NCAM2: variants seen among roughly 807,000 people sequenced by gnomAD.
NCAM2 encodes the protein neural cell adhesion molecule 2, also known as N-CAM-2.
Under a neutral mutation model 98.1 loss-of-function variants are expected in NCAM2, and 30 were observed. The observed-to-expected ratio is 0.31, with a 90% CI of 0.23 to 0.41. The LOEUF (loss-of-function observed/expected upper bound fraction) is 0.41, where lower values mean the gene tolerates loss of function less well. NCAM2 is among the 10% of genes least tolerant of loss of function. The probability of loss-of-function intolerance (pLI) is 1.00; values close to 1 mark genes in which losing one functional copy is unlikely to be tolerated. For missense variants in NCAM2, 867 were observed against 1,005.8 expected (o/e 0.86, Z 1.87); for synonymous variants, 368 against 342.4 (o/e 1.07, Z -0.83).
chr21:21,105,479 A>G (rs1397934836), intron 1 of NCAM2, among the ~76,000 whole-genome samples: 1 of 152,152 alleles, frequency 6.6e-6, no homozygotes, highest in Non-Finnish European at 1.5e-5. Flanking sequence ...ATGCAATGGA[A>G]GACAGAACTG....
intron 1 of NCAM2, among the ~76,000 whole-genome samples, chr21:21,002,016 C>T (rs894362614): frequency 3.3e-5 from 5 of 152,132 alleles, no homozygotes; most frequent in East Asian, 1.9e-4. Context: ...CAGCCTCTCT[C>T]GTATGCTTTT....
At chr21:21,078,580 T>C (rs893563790) in intron 1 of NCAM2, among the ~76,000 whole-genome samples, 1 of 152,232 alleles carries the variant, frequency 6.6e-6, no homozygotes, top group African/African-American at 2.4e-5. Context: ...GCTTTTACAC[T>C]GTTGGTGGGA....
At chr21:21,441,511 A>C (rs540318626) in intron 12 of NCAM2, among the ~76,000 whole-genome samples, 66 of 152,336 alleles carry the variant, frequency 4.3e-4, no homozygotes, top group African/African-American at 1.5e-3. Flanking sequence ...TGAATGAAAC[A>C]AAAAATTATT....
intron 12 of NCAM2, among the ~76,000 whole-genome samples, chr21:21,448,361 G>C (rs1980509122): frequency 6.6e-6 from 1 of 151,980 alleles, no homozygotes; most frequent in Admixed American, 6.6e-5. Flanking sequence ...ATGGACACAG[G>C]GAGGGGAAAG....
At chr21:21,209,653 A>G (rs1179675277) in intron 1 of NCAM2, among the ~76,000 whole-genome samples, 1 of 152,116 alleles carries the variant, frequency 6.6e-6, no homozygotes, top group Non-Finnish European at 1.5e-5. Context: ...TGTCTGTTAT[A>G]AAATGCTATT....
intron 9 of NCAM2, among the ~76,000 whole-genome samples, chr21:21,399,713 A>G (rs1044308679): frequency 6.6e-6 from 1 of 152,126 alleles, no homozygotes; most frequent in Non-Finnish European, 1.5e-5. Context: ...AAAGACTTGT[A>G]TATTTCAGTT....
intron 15 of NCAM2, among the ~76,000 whole-genome samples, chr21:21,488,560 A>G (rs1488840328): frequency 6.6e-6 from 1 of 152,048 alleles, no homozygotes; most frequent in African/African-American, 2.4e-5. Context: ...AATTATTTTA[A>G]TAATTCAAGA....
chr21:21,014,356 G>A (rs1158284549), intron 1 of NCAM2, among the ~76,000 whole-genome samples: 3 of 151,732 alleles, frequency 2.0e-5, no homozygotes, highest in Admixed American at 6.6e-5. Flanking sequence ...CCTGGGAGGC[G>A]GAGGTTGCAG....
chr21:21,532,870 C>T (rs186768644), intron 16 of NCAM2, among the ~76,000 whole-genome samples: 136 of 152,112 alleles, frequency 8.9e-4, no homozygotes, highest in African/African-American at 3.2e-3. Flanking sequence ...TTACTTGGGG[C>T]CCTTGATCAG....
At chr21:21,038,673 G>A (rs1464882579) in intron 1 of NCAM2, among the ~76,000 whole-genome samples, 1 of 152,172 alleles carries the variant, frequency 6.6e-6, no homozygotes, top group African/African-American at 2.4e-5. Context: ...CTGCGGAACT[G>A]TAAGTCAGTT....
chr21:21,109,327 T>A (rs1267524951), intron 1 of NCAM2, among the ~76,000 whole-genome samples: 1 of 152,144 alleles, frequency 6.6e-6, no homozygotes, highest in Non-Finnish European at 1.5e-5. Flanking sequence ...GCACATCTTA[T>A]ATATTTTAAA....
chr21:21,412,844 T>A (rs2076915130), intron 10 of NCAM2, among the ~76,000 whole-genome samples: 1 of 151,010 alleles, frequency 6.6e-6, no homozygotes, highest in African/African-American at 2.4e-5. Flanking sequence ...TGAGCATTAC[T>A]AATATTTAAT....
chr21:21,500,146 G>T (rs1268868071), intron 15 of NCAM2, among the ~76,000 whole-genome samples: 4 of 152,094 alleles, frequency 2.6e-5, no homozygotes, highest in African/African-American at 9.7e-5. Context: ...AATCATGGTT[G>T]CTGTTGAGTG....
chr21:21,334,294 T>C (rs1453806679), intron 6 of NCAM2, among the ~76,000 whole-genome samples: 1 of 152,174 alleles, frequency 6.6e-6, no homozygotes, highest in Non-Finnish European at 1.5e-5. Flanking sequence ...AGAAATGTTG[T>C]GTACTTCATG....
intron 1 of NCAM2, among the ~76,000 whole-genome samples, chr21:21,009,883 CTGTGTGTGTGTGTGTG>C (rs5842868): frequency 7.2e-6 from 1 of 139,670 alleles, no homozygotes; most frequent in African/African-American, 2.7e-5. Flanking sequence ...CCTCTGATAG[CTGTGTGTGTGTGTGTG>C]TGTGTGTGTG....
chr21:21,338,441 A>G lies in NCAM2; in HGVS notation c.951A>G (p.Gln317=). The G allele has an allele frequency of 6.2e-7, 1 of 1,612,798 alleles. No homozygotes were observed. Among genetic ancestry groups the G allele is most frequent in the African/African-American group, 1.3e-5 (1 of 74,990 alleles). ...ATGAAACTACATATGAGAATGGTCAAGTCACACTCGTATGTGATGCGGAAG... is the reference window on the plus strand; with the variant it reads ...ATGAAACTACATATGAGAATGGTCAGGTCACACTCGTATGTGATGCGGAAG... ...LKNETTYENG[Q]VTLVCDAEGE... is the part of the protein sequence containing the mutation. The change falls in exon 8 of 18, where the codon CAA becomes CAG. Residue 317 remains glutamine, a synonymous_variant. Transcript: ENST00000400546.
chr21:21,317,057 A>G (rs1662714982), intron 5 of NCAM2, among the ~76,000 whole-genome samples: 1 of 152,106 alleles, frequency 6.6e-6, no homozygotes, highest in Admixed American at 6.5e-5. Flanking sequence ...CACAAACTCC[A>G]AGGGCAATAC....
intron 5 of NCAM2, among the ~76,000 whole-genome samples, chr21:21,316,304 C>T (rs1235157598): frequency 1.3e-5 from 2 of 152,016 alleles, no homozygotes; most frequent in African/African-American, 4.8e-5. Context: ...TTCTAGGGTA[C>T]ATGTGCACAA....
intron 1 of NCAM2, among the ~76,000 whole-genome samples, chr21:21,263,593 G>T (rs2072007372): frequency 6.6e-6 from 1 of 151,974 alleles, no homozygotes; most frequent in South Asian, 2.1e-4. Context: ...GCACCACATT[G>T]CCTGACTTCA....
Sources: gnomAD v4.1 joint callset for allele counts (sites outside exome capture counted in the v4.1 genomes callset) on GRCh38, gnomAD v4.1.1 for gene constraint, MANE v1.5 for transcripts, NCBI Gene and HGNC (gene_info 2026-07-23, HGNC 2026-07-21) for gene names.